SAMMSON: variants seen among roughly 807,000 people sequenced by gnomAD.
The protein encoded by SAMMSON is long intergenic non-protein coding RNA 1212.
At position 70,179,790 on chromosome 3, in the gene SAMMSON, C is replaced by A. The variant is rs1248064785; in HGVS notation, n.508-69317C>A. On this transcript the variant is annotated intron_variant and non_coding_transcript_variant, in intron 4 of 9. Coordinates refer to ENST00000642114, the Ensembl canonical transcript of SAMMSON. ...TCTATATCTGAATGGGGTCAATGAA[C>A]TTCTGCTTGAATTCTTGGATTATAG... is the stretch of plus-strand genomic sequence containing the variant. Among the ~76,000 whole-genome samples the A allele has an allele frequency of 2.0e-5, 3 of 151,858 alleles. No homozygotes were observed. In the East Asian group the frequency reaches 5.9e-4, roughly 30 times the overall value.
chr3:70,054,677 C>A (rs1035883655), intron 3 of SAMMSON, among the ~76,000 whole-genome samples: 3 of 152,068 alleles, frequency 2.0e-5, no homozygotes, highest in Non-Finnish European at 4.4e-5. Flanking sequence ...TTCAGCATTG[C>A]AAACTCTGTT....
chr3:70,230,804 G>A (rs1206761573), intron 4 of SAMMSON, among the ~76,000 whole-genome samples: 1 of 152,154 alleles, frequency 6.6e-6, no homozygotes, highest in Non-Finnish European at 1.5e-5. Context: ...GTCCAAATAC[G>A]TCTTCAAATC....
intron 4 of SAMMSON, among the ~76,000 whole-genome samples, chr3:70,195,433 T>C (rs1379693221): frequency 6.6e-6 from 1 of 152,208 alleles, no homozygotes; most frequent in Non-Finnish European, 1.5e-5. Flanking sequence ...AATGCCTTTT[T>C]AGAGGCAGTT....
At chr3:70,120,223 C>T (rs1302519702) in intron 4 of SAMMSON, 1 of 152,152 alleles carries the variant, frequency 6.6e-6, no homozygotes, top group Non-Finnish European at 1.5e-5. Flanking sequence ...ACATTTTCCC[C>T]ACACTTGTCA....
At chr3:70,118,670 T>A (rs114577999) in intron 4 of SAMMSON, among the ~76,000 whole-genome samples, 2,025 of 152,264 alleles carry the variant, frequency 0.013, 42 homozygotes, top group African/African-American at 0.045. Context: ...CCCCGAGCCC[T>A]TTTTTAGCAT....
chr3:70,288,992 A>T (rs1702198200), intron 6 of SAMMSON, among the ~76,000 whole-genome samples: 1 of 152,092 alleles, frequency 6.6e-6, no homozygotes, highest in Non-Finnish European at 1.5e-5. Context: ...CAGCACACTG[A>T]TGGGTCTTAA....
chr3:70,157,941 C>G (rs1295906072), intron 4 of SAMMSON, among the ~76,000 whole-genome samples: 2 of 152,060 alleles, frequency 1.3e-5, no homozygotes, highest in African/African-American at 2.4e-5. Context: ...CTCTTGTACC[C>G]TCACAGTTTT....
intron 3 of SAMMSON, chr3:70,015,177 A>C (rs1354664893): frequency 1.3e-5 from 2 of 152,290 alleles, no homozygotes; most frequent in African/African-American, 4.8e-5. Flanking sequence ...GCTACTAGGG[A>C]GGCTGAGGCA....
At chr3:70,318,604 C>G (rs957122305) in intron 7 of SAMMSON, among the ~76,000 whole-genome samples, 1 of 151,908 alleles carries the variant, frequency 6.6e-6, no homozygotes, top group Admixed American at 6.6e-5. Context: ...TTTCTGGCAA[C>G]TCCAACATCT....
At chr3:70,217,218 G>A (rs1240113048) in intron 4 of SAMMSON, among the ~76,000 whole-genome samples, 1 of 152,080 alleles carries the variant, frequency 6.6e-6, no homozygotes, top group Non-Finnish European at 1.5e-5. Context: ...ATTAAAGAAT[G>A]CTTAGCATTT....
intron 7 of SAMMSON, among the ~76,000 whole-genome samples, chr3:70,301,895 C>G (rs1007775867): frequency 6.6e-6 from 1 of 151,930 alleles, no homozygotes; most frequent in Admixed American, 6.6e-5. Flanking sequence ...ATATTTGATA[C>G]GTGAAAGAGG....
chr3:70,371,924 A>G (rs1702973563), intron 9 of SAMMSON, among the ~76,000 whole-genome samples: 1 of 152,140 alleles, frequency 6.6e-6, no homozygotes, highest in Admixed American at 6.6e-5. Context: ...TTCTTTGAAG[A>G]AATGCTTTCA....
At chr3:70,415,003 T>C (rs1034840926) in intron 2 of SAMMSON, among the ~76,000 whole-genome samples, 1 of 151,632 alleles carries the variant, frequency 6.6e-6, no homozygotes, top group Non-Finnish European at 1.5e-5. Flanking sequence ...TCCATGCATA[T>C]AGAGAAAAGC....
chr3:70,229,852 T>C lies in SAMMSON; in HGVS notation n.508-19255T>C, dbSNP rs1027623563. ...GGAGGTCAATATTTGAAACAGCTAC[T>C]GTCAATCAGCCTAGCTAATAACATG... On this transcript the variant is annotated intron_variant and non_coding_transcript_variant, in intron 4 of 9. Coordinates refer to ENST00000642114, the Ensembl canonical transcript of SAMMSON. 6.6e-5 allele frequency among the ~76,000 whole-genome samples: 10 copies of C among 152,300 alleles called. No homozygotes were observed. The East Asian group carries it at 1.5e-3, about 24-fold the overall frequency.
chr3:70,052,756 C>T (rs184367957), intron 3 of SAMMSON, among the ~76,000 whole-genome samples: 1 of 152,104 alleles, frequency 6.6e-6, no homozygotes, highest in East Asian at 1.9e-4. Flanking sequence ...CTGTGAACAA[C>T]CAAAAATGCC....
intron 6 of SAMMSON, among the ~76,000 whole-genome samples, chr3:70,288,492 T>C (rs1376237393): frequency 6.6e-6 from 1 of 151,040 alleles, no homozygotes; most frequent in African/African-American, 2.4e-5. Context: ...TGTGGTCAAT[T>C]TTGGAATAGG....
chr3:70,166,831 T>C (rs1303680959), intron 4 of SAMMSON, among the ~76,000 whole-genome samples: 2 of 151,934 alleles, frequency 1.3e-5, no homozygotes, highest in Non-Finnish European at 2.9e-5. Flanking sequence ...ACAATAAGTG[T>C]CAACAGATTT....
At chr3:70,201,354 A>G (rs1215173829) in intron 4 of SAMMSON, among the ~76,000 whole-genome samples, 1 of 152,184 alleles carries the variant, frequency 6.6e-6, no homozygotes, top group Non-Finnish European at 1.5e-5. Context: ...AGCTCCATCC[A>G]AGTTCCTGCA....
chr3:70,073,394 C>A (rs1319951003), intron 4 of SAMMSON, among the ~76,000 whole-genome samples: 1 of 152,008 alleles, frequency 6.6e-6, no homozygotes, highest in Non-Finnish European at 1.5e-5. Context: ...CCACTATGTG[C>A]TGGTTCTCTA....
Sources: gnomAD v4.1 joint callset for allele counts (sites outside exome capture counted in the v4.1 genomes callset) on GRCh38, gnomAD v4.1.1 for gene constraint, MANE v1.5 for transcripts, NCBI Gene and HGNC (gene_info 2026-07-23, HGNC 2026-07-21) for gene names.